Variants in NXPE2 observed in about 807,000 individuals in gnomAD.
NXPE2 encodes NXPE family member 2.
NXPE2 carries 34 observed loss-of-function variants against 34.4 expected under a neutral mutation model. That is an observed-to-expected ratio of 0.99 (90% CI 0.75 to 1.31). The LOEUF is 1.31. NXPE2 is among the 40% of genes most tolerant of loss of function. The pLI, the probability that NXPE2 is intolerant of heterozygous loss-of-function variation, is 0.00. For missense variants in NXPE2, 649 were observed against 672.5 expected, an observed-to-expected ratio of 0.97 and a Z score of 0.39; for synonymous variants, 235 against 231.3, an observed-to-expected ratio of 1.02 and a Z score of -0.15.
the NXPE2 span, among the ~76,000 whole-genome samples, chr11:114,470,007 T>A: frequency 6.6e-6 from 1 of 152,220 alleles, no homozygotes; most frequent in Non-Finnish European, 1.5e-5. Flanking sequence ...ATATCCATGT[T>A]TTTGCAAGTA....
At chr11:114,694,152 A>C (rs1565385355) in intron 2 of NXPE2, among the ~76,000 whole-genome samples, 4 of 152,174 alleles carry the variant, frequency 2.6e-5, no homozygotes. Context: ...TCTACTTTTA[A>C]AAACTCTCAT....
In NXPE2 at chr11:114,705,964, A is replaced by G. The variant is rs746249458; in HGVS notation, c.1112A>G (p.Gln371Arg). The G allele has an allele frequency of 2.3e-5, 35 of 1,493,210 alleles. No individual in the cohort carries two copies. In the African/African-American group the frequency reaches 4.7e-4, roughly 20 times the overall value. 92.5% of individuals were successfully genotyped at this position (1,493,210 alleles called of 1,614,324 possible). The change falls in exon 5 of 6, where the codon CAG (glutamine) becomes CGG (arginine). Residue 371 changes from glutamine to arginine, a missense_variant. By Grantham distance (43) the Gln-to-Arg change is conservative (BLOSUM62 1). Coordinates refer to ENST00000389586, the MANE Select transcript of NXPE2 (RefSeq NM_182495.6). Reference sequence around the variant, plus strand: ...CTCATGGGAGATTCAACACTGCATCAGTGGATTTACTACTTACAAAAAGCT... The same window carrying G: ...CTCATGGGAGATTCAACACTGCATCGGTGGATTTACTACTTACAAAAAGCT... Reference protein sequence around the residue: ...IYLMGDSTLHQWIYYLQKAVK... With the variant: ...IYLMGDSTLHRWIYYLQKAVK...
chr11:114,650,884 G>A, the NXPE2 span, among the ~76,000 whole-genome samples: 190 of 152,084 alleles, frequency 1.2e-3, no homozygotes, highest in African/African-American at 4.3e-3. Context: ...CAGTAAAAAC[G>A]GCAAGCTGCA....
chr11:114,785,580 G>A, the NXPE2 span, among the ~76,000 whole-genome samples: 20 of 152,034 alleles, frequency 1.3e-4, no homozygotes, highest in African/African-American at 3.6e-4. Flanking sequence ...GTGTTCCAAC[G>A]TGCTGCTCTG....
intron 5 of NXPE2, 95 bp from the exon 6 acceptor site, chr11:114,706,300 A>C: frequency 9.3e-7 from 1 of 1,070,502 alleles, no homozygotes; most frequent in South Asian, 1.8e-5. Flanking sequence ...CTTAGTTAGA[A>C]GTGATCTTGG....
At chr11:114,716,185 G>T in the NXPE2 span, among the ~76,000 whole-genome samples, 8 of 152,074 alleles carry the variant, frequency 5.3e-5, no homozygotes, top group Non-Finnish European at 1.2e-4. Flanking sequence ...CAATGGTGCC[G>T]TTGGAAGAAC....
At chr11:114,729,596 A>T in the NXPE2 span, among the ~76,000 whole-genome samples, 1 of 151,962 alleles carries the variant, frequency 6.6e-6, no homozygotes, top group African/African-American at 2.4e-5. Context: ...TTTTAATAAT[A>T]GTCACTCTGG....
the NXPE2 span, among the ~76,000 whole-genome samples, chr11:114,809,329 G>A: frequency 2.0e-5 from 3 of 151,766 alleles, no homozygotes; most frequent in Admixed American, 6.6e-5. Context: ...ACATAGTGTT[G>A]GAAATTCTGG....
At chr11:114,484,708 C>T in the NXPE2 span, among the ~76,000 whole-genome samples, 1 of 152,196 alleles carries the variant, frequency 6.6e-6, no homozygotes, top group African/African-American at 2.4e-5. Context: ...CTTCTCTTTC[C>T]ACCTGAAATG....
chr11:114,549,281 A>G, the NXPE2 span, among the ~76,000 whole-genome samples: 35,432 of 151,940 alleles, frequency 0.23, 5,935 homozygotes, highest in African/African-American at 0.47. Context: ...CGAAATAAGT[A>G]TAATGTATTT....
At chr11:114,618,500 G>A in the NXPE2 span, among the ~76,000 whole-genome samples, 1 of 151,990 alleles carries the variant, frequency 6.6e-6, no homozygotes, top group African/African-American at 2.4e-5. Context: ...TGCCTCGTAG[G>A]TAACCACTGT....
the NXPE2 span, among the ~76,000 whole-genome samples, chr11:114,755,279 C>G: frequency 6.6e-6 from 1 of 152,154 alleles, no homozygotes; most frequent in Non-Finnish European, 1.5e-5. Flanking sequence ...ACTAAGGCCA[C>G]TCTTATTATT....
At chr11:114,554,005 G>GT in the NXPE2 span, 26 of 985,300 alleles carry the variant, frequency 2.6e-5, no homozygotes, top group Non-Finnish European at 3.1e-5. Flanking sequence ...CAATTGCAAT[G>GT]TTTTTTCTTC....
At chr11:114,694,064 A>C (rs1303621288) in intron 2 of NXPE2, among the ~76,000 whole-genome samples, 2 of 152,202 alleles carry the variant, frequency 1.3e-5, no homozygotes, top group Non-Finnish European at 2.9e-5. Flanking sequence ...CTCCATTTTC[A>C]GAACAACATG....
the NXPE2 span, chr11:114,522,371 A>G: frequency 1.4e-3 from 2,303 of 1,614,102 alleles, 36 homozygotes; most frequent in Non-Finnish European, 1.1e-4. Flanking sequence ...ATCATGATCT[A>G]TCAGAGAGTA....
the NXPE2 span, among the ~76,000 whole-genome samples, chr11:114,482,366 T>C: frequency 6.6e-6 from 1 of 152,066 alleles, no homozygotes; most frequent in Admixed American, 6.6e-5. Context: ...ACAAACTGAG[T>C]TAAGCAACTA....
At chr11:114,596,854 C>T in the NXPE2 span, among the ~76,000 whole-genome samples, 1 of 152,216 alleles carries the variant, frequency 6.6e-6, no homozygotes, top group South Asian at 2.1e-4. Context: ...AACCTGGAGT[C>T]TGTTTATGAG....
the NXPE2 span, among the ~76,000 whole-genome samples, chr11:114,519,968 T>TCGCCTCCCGGGTTCA: frequency 8.5e-6 from 1 of 117,234 alleles, no homozygotes; most frequent in Admixed American, 8.5e-5. Context: ...CTCGGCGAGC[T>TCGCCTCCCGGGTTCA]TGCCCGCTAA....
chr11:114,706,932 G>A lies in NXPE2; in HGVS notation c.*2G>A. 3 of 1,535,748 alleles carry A rather than the reference G, an allele frequency of 2.0e-6. No individual in the cohort carries two copies. Among genetic ancestry groups the A allele is most frequent in the Middle Eastern group, 3.4e-4 (2 of 5,898 alleles). ...ATGTTCTTAAACTACATTTGTTAGA[G>A]GAAAAATACAAAAATAGCACTAGCC... is the stretch of plus-strand genomic sequence containing the variant. On this transcript the variant is annotated 3_prime_UTR_variant, in exon 6 of 6. Coordinates refer to ENST00000389586, the MANE Select transcript of NXPE2 (RefSeq NM_182495.6).
Sources: gnomAD v4.1 joint callset for allele counts (sites outside exome capture counted in the v4.1 genomes callset) on GRCh38, gnomAD v4.1.1 for gene constraint, MANE v1.5 for transcripts, NCBI Gene and HGNC (gene_info 2026-07-23, HGNC 2026-07-21) for gene names.